The following MYO3B variants were observed in gnomAD, a reference collection of about 807,000 sequenced individuals.
The protein encoded by MYO3B is myosin-IIIb.
In MYO3B, 156 loss-of-function variants were observed where a neutral mutation model predicts 174.6. That is an observed-to-expected ratio of 0.89 (90% CI 0.78 to 1.02). MYO3B has a LOEUF of 1.02. MYO3B is among the 50% of genes least tolerant of loss of function. MYO3B has a pLI of 0.00. For missense variants in MYO3B, 1,632 were observed against 1,639.4 expected, an observed-to-expected ratio of 1.00 and a Z score of 0.08; for synonymous variants, 563 against 569.1, an observed-to-expected ratio of 0.99 and a Z score of 0.15.
At position 170,473,111 on chromosome 2, in the gene MYO3B, ATTTTCTTTTTCT is replaced by A. The variant is rs899975415; in HGVS notation, c.3014+6416_3014+6427del. 1.5e-3 allele frequency among the ~76,000 whole-genome samples: 142 copies of A among 97,902 alleles called. 1 individual carries two copies. The South Asian group carries it at 0.036, about 25-fold the overall frequency. 64.2% of individuals were successfully genotyped at this position (97,902 alleles called of 152,430 possible). A position where few individuals can be genotyped will look rare whatever the true frequency, so the allele number is the denominator to read the frequency against. On this transcript the variant is annotated intron_variant, in intron 25 of 34. Transcript: ENST00000408978. Reference sequence around the variant, plus strand: ...CTCTTACCTCTTCTTTTTCATCACTATTTTCTTTTTCTTTTTCTTTTTCTTTTCTTTTTTTTT... The same window carrying A: ...CTCTTACCTCTTCTTTTTCATCACTATTTTCTTTTTCTTTTCTTTTTTTTT...
intron 30 of MYO3B, among the ~76,000 whole-genome samples, chr2:170,524,346 G>A (rs1019660654): frequency 7.9e-5 from 12 of 152,162 alleles, no homozygotes; most frequent in African/African-American, 2.9e-4. Context: ...TCAGCTAGTC[G>A]AGGAATCACT....
chr2:170,199,136 CT>C (rs1422001647), intron 1 of MYO3B, 71 bp from the exon 2 acceptor site: 1 of 1,046,382 alleles, frequency 9.6e-7, no homozygotes, highest in Non-Finnish European at 1.3e-6. Context: ...AAATAAAAAT[CT>C]TTTTGTTTCA....
chr2:170,244,104 C>G (rs2093164932), intron 7 of MYO3B, among the ~76,000 whole-genome samples: 1 of 152,132 alleles, frequency 6.6e-6, no homozygotes. Context: ...GGTACTTTTC[C>G]TTTGCTATCA....
Position 170,381,840 on chromosome 2 carries a change from C to G in MYO3B, c.972-176C>G, listed in dbSNP as rs1230766258. Among the ~76,000 whole-genome samples the G allele has an allele frequency of 2.0e-5, 3 of 152,266 alleles. No homozygotes were observed. In the East Asian group the frequency reaches 5.8e-4, roughly 29 times the overall value. ...CTTGAACTATGGAGATCACTTTATC[C>G]CAATAGTTCTACAGTGGCAGGAAAA... On this transcript the variant is annotated intron_variant, in intron 9 of 34. Transcript: ENST00000408978.
Position 170,200,439 on chromosome 2 carries a change from C to T in MYO3B, c.321+155C>T, listed in dbSNP as rs866513530. ...TCACCAGATGTGACATTCTCCTCCA[C>T]AGTTCTTACAGGTAGGCCTTATGCT... On this transcript the variant is annotated intron_variant, in intron 3 of 34. Transcript: ENST00000408978. 3.3e-5 allele frequency among the ~76,000 whole-genome samples: 5 copies of T among 152,324 alleles called. No homozygotes were observed. The Middle Eastern group carries it at 0.01, about 311-fold the overall frequency.
chr2:170,331,753 A>T (rs1259370803), intron 7 of MYO3B, among the ~76,000 whole-genome samples: 1 of 152,062 alleles, frequency 6.6e-6, no homozygotes, highest in Non-Finnish European at 1.5e-5. Context: ...AGAATTGAGG[A>T]TCTCATTTCT....
At chr2:170,604,111 A>G (rs1012583826) in intron 32 of MYO3B, among the ~76,000 whole-genome samples, 4 of 152,196 alleles carry the variant, frequency 2.6e-5, no homozygotes, top group Non-Finnish European at 4.4e-5. Flanking sequence ...GGTTATTCCA[A>G]TGAAGACAAA....
At chr2:170,651,601 T>C in intron 32 of MYO3B, 27 bp from the exon 33 acceptor site, 1 of 1,603,116 alleles carries the variant, frequency 6.2e-7, no homozygotes, top group East Asian at 2.2e-5. Flanking sequence ...TCGGACAGTT[T>C]ACAGCAAAGT....
chr2:170,531,246 T>C (rs1398331713), intron 30 of MYO3B, among the ~76,000 whole-genome samples: 1 of 152,140 alleles, frequency 6.6e-6, no homozygotes, highest in Non-Finnish European at 1.5e-5. Context: ...ATGCAAAAAG[T>C]TCAGATTTCT....
chr2:170,417,760 T>C (rs761050279), intron 22 of MYO3B, among the ~76,000 whole-genome samples: 8 of 152,212 alleles, frequency 5.3e-5, no homozygotes, highest in Non-Finnish European at 8.8e-5. Flanking sequence ...CCCCTTTTTA[T>C]AAGGACATCA....
intron 32 of MYO3B, among the ~76,000 whole-genome samples, chr2:170,600,131 T>G (rs1173478251): frequency 7.6e-6 from 1 of 132,096 alleles, no homozygotes; most frequent in Admixed American, 7.0e-5. Flanking sequence ...CTTGTTGTTG[T>G]TGTTTTTTTT....
At chr2:170,487,368 A>T (rs1462098062) in intron 25 of MYO3B, among the ~76,000 whole-genome samples, 1 of 152,248 alleles carries the variant, frequency 6.6e-6, no homozygotes, top group Admixed American at 6.5e-5. Flanking sequence ...ACTAGAATAT[A>T]AAGCTTCATG....
chr2:170,310,665 C>CAA (rs746315736), intron 7 of MYO3B, among the ~76,000 whole-genome samples: 1,294 of 61,290 alleles, frequency 0.021, 141 homozygotes, highest in African/African-American at 0.032. Context: ...GACTCCATCT[C>CAA]AAAAAAAAAA....
chr2:170,331,713 T>G (rs2093912852), intron 7 of MYO3B, among the ~76,000 whole-genome samples: 1 of 152,216 alleles, frequency 6.6e-6, no homozygotes, highest in South Asian at 2.1e-4. Flanking sequence ...TCATTCAGGT[T>G]ATTAGCAGAA....
At chr2:170,631,153 A>T (rs1209800611) in intron 32 of MYO3B, among the ~76,000 whole-genome samples, 1 of 152,130 alleles carries the variant, frequency 6.6e-6, no homozygotes, top group Non-Finnish European at 1.5e-5. Flanking sequence ...AAACCTTGAA[A>T]AAAGATTAGA....
rs930699935 is a variant in MYO3B, at chr2:170,519,321, A to G, written c.3473-117A>G. 3 of 655,524 alleles carry G rather than the reference A, an allele frequency of 4.6e-6. No individual in the cohort carries two copies. The African/African-American group carries it at 5.5e-5, about 12-fold the overall frequency. 40.6% of individuals were successfully genotyped at this position (655,524 alleles called of 1,614,324 possible). A position where few individuals can be genotyped will look rare whatever the true frequency, so the allele number is the denominator to read the frequency against. ...TATCCTAGAAAAAAAACCTATAGAA[A>G]GTCACGGAGTGGTATGAGGGCAGGG... On this transcript the variant is annotated intron_variant, in intron 29 of 34. Coordinates refer to ENST00000408978, the MANE Select transcript of MYO3B (RefSeq NM_138995.5).
intron 2 of MYO3B, 124 bp from the exon 3 acceptor site, chr2:170,200,026 T>C: frequency 2.5e-6 from 2 of 788,766 alleles, no homozygotes; most frequent in Non-Finnish European, 1.9e-6. Flanking sequence ...ATTTTGAAGG[T>C]ATGGTAATGA....
At chr2:170,282,363 C>A (rs895155625) in intron 7 of MYO3B, among the ~76,000 whole-genome samples, 17 of 152,114 alleles carry the variant, frequency 1.1e-4, no homozygotes, top group African/African-American at 4.1e-4. Context: ...GAAAAGGTGA[C>A]CTTTCTCACT....
chr2:170,246,529 GACACACACACACACACAC>G (rs58936698), intron 7 of MYO3B, among the ~76,000 whole-genome samples: 3 of 140,276 alleles, frequency 2.1e-5, no homozygotes, highest in South Asian at 4.9e-4. Flanking sequence ...TTTGGACATG[GACACACACACACACACAC>G]ACACACACAC....
Sources: allele counts gnomAD v4.1 joint callset (sites outside exome capture counted in the v4.1 genomes callset), GRCh38; gene constraint gnomAD v4.1.1; transcripts MANE v1.5; gene names NCBI Gene and HGNC (gene_info 2026-07-23, HGNC 2026-07-21).